ARHGAP8: variants seen among roughly 807,000 people sequenced by gnomAD.
ARHGAP8 encodes rho GTPase-activating protein 8.
Under a neutral mutation model 46.1 loss-of-function variants are expected in ARHGAP8, and 62 were observed. That is an observed-to-expected ratio of 1.34 (90% CI 1.10 to 1.66). The LOEUF (loss-of-function observed/expected upper bound fraction) is 1.66. ARHGAP8 is among the 40% of genes most tolerant of loss of function. The pLI is 0.00. For missense variants in ARHGAP8, 923 were observed against 568.4 expected (o/e 1.62, Z -6.34); for synonymous variants, 375 against 243.1 (o/e 1.54, Z -5.05).
intron 11 of ARHGAP8, among the ~76,000 whole-genome samples, chr22:44,860,359 G>A (rs950007554): frequency 6.6e-6 from 1 of 152,090 alleles, no homozygotes; most frequent in Non-Finnish European, 1.5e-5. Context: ...GAGGCTCTAG[G>A]GAAGGTTCCC....
intron 1 of ARHGAP8, among the ~76,000 whole-genome samples, chr22:44,773,122 C>T (rs1218849311): frequency 6.6e-6 from 1 of 152,038 alleles, no homozygotes; most frequent in South Asian, 2.1e-4. Context: ...GGCCAGGAAG[C>T]TTTTCTTAAC....
intron 2 of ARHGAP8, among the ~76,000 whole-genome samples, chr22:44,796,961 A>G (rs1277207521): frequency 2.6e-5 from 4 of 152,194 alleles, no homozygotes; most frequent in Non-Finnish European, 2.9e-5. Context: ...CGTTGCAGAC[A>G]TAGATGATGG....
intron 11 of ARHGAP8, among the ~76,000 whole-genome samples, chr22:44,860,335 C>T (rs1476680528): frequency 6.6e-6 from 1 of 152,160 alleles, no homozygotes; most frequent in East Asian, 1.9e-4. Flanking sequence ...GTGTGGCGGG[C>T]TGTGCTCCTT....
intron 10 of ARHGAP8, among the ~76,000 whole-genome samples, chr22:44,854,539 AT>A (rs2070175640): frequency 6.6e-6 from 1 of 151,724 alleles, no homozygotes; most frequent in Non-Finnish European, 1.5e-5. Flanking sequence ...GGCCCTTGTT[AT>A]GCATTTTTAA....
chr22:44,789,353 G>C (rs1051807500), intron 2 of ARHGAP8, among the ~76,000 whole-genome samples: 9 of 152,076 alleles, frequency 5.9e-5, no homozygotes, highest in African/African-American at 2.2e-4. Flanking sequence ...GTTTTGCCAT[G>C]TTGGCCAGGC....
chr22:44,808,691 C>T, intron 4 of ARHGAP8: 1 of 664,092 alleles, frequency 1.5e-6, no homozygotes. Context: ...CACCCAGCCA[C>T]CATGGCTCAC....
At chr22:44,831,328 G>T (rs1466222931) in intron 7 of ARHGAP8, among the ~76,000 whole-genome samples, 1 of 152,150 alleles carries the variant, frequency 6.6e-6, no homozygotes, top group Non-Finnish European at 1.5e-5. Flanking sequence ...TACATTTTGA[G>T]TAGATTTTTC....
intron 1 of ARHGAP8, among the ~76,000 whole-genome samples, chr22:44,775,775 G>A (rs1926376768): frequency 6.6e-6 from 1 of 152,072 alleles, no homozygotes; most frequent in Non-Finnish European, 1.5e-5. Context: ...GAAATTTTTA[G>A]TACCTGAATT....
intron 1 of ARHGAP8, among the ~76,000 whole-genome samples, chr22:44,776,326 C>T (rs528512740): frequency 7.6e-4 from 116 of 152,018 alleles, no homozygotes; most frequent in Non-Finnish European, 1.3e-3. Context: ...GTGGCGGGTA[C>T]CTGTAATCCC....
intron 1 of ARHGAP8, among the ~76,000 whole-genome samples, chr22:44,754,904 C>T (rs1569128546): frequency 6.6e-6 from 1 of 152,134 alleles, no homozygotes; most frequent in Non-Finnish European, 1.5e-5. Flanking sequence ...GATAGGGAAA[C>T]TGAGGCACAG....
chr22:44,841,305 T>C (rs1434292867), intron 7 of ARHGAP8, among the ~76,000 whole-genome samples: 1 of 152,224 alleles, frequency 6.6e-6, no homozygotes, highest in Non-Finnish European at 1.5e-5. Context: ...ACAAGTCACA[T>C]AGACTGCATG....
intron 1 of ARHGAP8, among the ~76,000 whole-genome samples, chr22:44,772,883 A>C (rs529757728): frequency 6.7e-6 from 1 of 148,654 alleles, no homozygotes; most frequent in East Asian, 2.0e-4. Flanking sequence ...CCGTGGTGCA[A>C]TCATGTCTCA....
chr22:44,854,547 T>G (rs145482769), intron 10 of ARHGAP8, among the ~76,000 whole-genome samples: 1 of 152,254 alleles, frequency 6.6e-6, no homozygotes, highest in African/African-American at 2.4e-5. Context: ...TTATGCATTT[T>G]TAACCCTACT....
intron 1 of ARHGAP8, among the ~76,000 whole-genome samples, chr22:44,763,530 G>A (rs1271373217): frequency 1.3e-5 from 2 of 150,952 alleles, no homozygotes; most frequent in Admixed American, 6.6e-5. Flanking sequence ...TTCAGAAGAG[G>A]GTAAAATCAT....
chr22:44,810,721 G>A (rs184480212), intron 4 of ARHGAP8, among the ~76,000 whole-genome samples: 40 of 152,318 alleles, frequency 2.6e-4, no homozygotes, highest in African/African-American at 8.7e-4. Context: ...CTTCTGGTAC[G>A]AGGTGTGGCC....
chr22:44,802,696 C>T (rs1928642875), intron 3 of ARHGAP8, among the ~76,000 whole-genome samples: 1 of 152,168 alleles, frequency 6.6e-6, no homozygotes, highest in Non-Finnish European at 1.5e-5. Context: ...GCTACACTCC[C>T]CCTGGAGGCT....
chr22:44,812,419 C>T (rs1403483938), intron 4 of ARHGAP8, among the ~76,000 whole-genome samples: 23 of 148,018 alleles, frequency 1.6e-4, no homozygotes, highest in East Asian at 8.0e-4. Context: ...TGCAGTGGCG[C>T]GATCTTGGCT....
At chr22:44,755,366 A>G (rs59697142) in intron 1 of ARHGAP8, among the ~76,000 whole-genome samples, 5,734 of 152,330 alleles carry the variant, frequency 0.038, 386 homozygotes, top group African/African-American at 0.13. Context: ...ACTACCCTTC[A>G]AATCTATGTG....
At chr22:44,816,567 C>A (rs547733500) in intron 5 of ARHGAP8, among the ~76,000 whole-genome samples, 9 of 152,274 alleles carry the variant, frequency 5.9e-5, no homozygotes, top group African/African-American at 2.2e-4. Flanking sequence ...AATCATAGCA[C>A]TTTGGGAGGC....
Sources: allele counts gnomAD v4.1 joint callset (sites outside exome capture counted in the v4.1 genomes callset), GRCh38; gene constraint gnomAD v4.1.1; transcripts MANE v1.5; gene names NCBI Gene and HGNC (gene_info 2026-07-23, HGNC 2026-07-21).